Variants in GALNT13 observed in about 807,000 individuals in gnomAD.
The protein encoded by GALNT13 is UDP-GalNAc:polypeptide N-acetylgalactosaminyltransferase 13.
GALNT13 carries 28 observed loss-of-function variants against 64.2 expected under a neutral mutation model. The observed-to-expected ratio is 0.44, with a 90% CI of 0.32 to 0.60. GALNT13 has a LOEUF of 0.60. Among genes scored for constraint, GALNT13 ranks in the 20% least tolerant of loss-of-function variants. The pLI is 0.05. For missense variants in GALNT13, 577 were observed against 669.8 expected (o/e 0.86, Z 1.53); for synonymous variants, 214 against 224.6 (o/e 0.95, Z 0.42).
At chr2:153,479,650 AGTT>A in the GALNT13 span, among the ~76,000 whole-genome samples, 3 of 152,220 alleles carry the variant, frequency 2.0e-5, no homozygotes, top group African/African-American at 7.2e-5. Context: ...GCAGTAAATC[AGTT>A]GTTGAAGGGA....
the GALNT13 span, among the ~76,000 whole-genome samples, chr2:153,696,151 G>A: frequency 1.3e-5 from 2 of 152,182 alleles, no homozygotes; most frequent in African/African-American, 4.8e-5. Context: ...AGCCGACAGT[G>A]CAACCTTCAG....
chr2:153,454,795 T>C, the GALNT13 span, among the ~76,000 whole-genome samples: 2 of 152,226 alleles, frequency 1.3e-5, no homozygotes, highest in African/African-American at 4.8e-5. Context: ...TGTGTGTATG[T>C]GCAGGCACAC....
the GALNT13 span, among the ~76,000 whole-genome samples, chr2:153,289,757 G>A: frequency 6.6e-6 from 1 of 152,188 alleles, no homozygotes; most frequent in African/African-American, 2.4e-5. Context: ...GTGGGAAGGA[G>A]CTAAACTGCA....
chr2:154,129,270 A>C (rs1408402589), intron 3 of GALNT13, among the ~76,000 whole-genome samples: 1 of 152,160 alleles, frequency 6.6e-6, no homozygotes, highest in Non-Finnish European at 1.5e-5. Flanking sequence ...ATGAAAACTG[A>C]CAAAGTGATT....
chr2:153,597,417 A>C, the GALNT13 span, among the ~76,000 whole-genome samples: 5 of 152,112 alleles, frequency 3.3e-5, no homozygotes, highest in Non-Finnish European at 5.9e-5. Context: ...GGTACTGGAC[A>C]ACTGGATACC....
In GALNT13 at chr2:154,269,906, G is replaced by GTATATATATATA. The variant is rs67387315; in HGVS notation, c.975+10776_975+10787dup. 6.1e-3 allele frequency among the ~76,000 whole-genome samples: 586 copies of GTATATATATATA among 96,796 alleles called. 43 individuals are homozygous for GTATATATATATA. In the East Asian group the frequency reaches 0.062, roughly 10 times the overall value. 63.5% of individuals were successfully genotyped at this position (96,796 alleles called of 152,430 possible). A position where few individuals can be genotyped will look rare whatever the true frequency, so the allele number is the denominator to read the frequency against. On this transcript the variant is annotated intron_variant, in intron 8 of 12. Transcript: ENST00000392825. ...GTCATATATATATTTATATATATGT[G>GTATATATATATA]TATATATATATATATATATTTCTAA...
the GALNT13 span, among the ~76,000 whole-genome samples, chr2:153,369,204 T>A: frequency 2.6e-5 from 4 of 152,086 alleles, no homozygotes; most frequent in Non-Finnish European, 4.4e-5. Flanking sequence ...ATTAAGAGCT[T>A]TTTTTAGGAA....
the GALNT13 span, among the ~76,000 whole-genome samples, chr2:153,561,669 G>GTGTGTGTGTGT: frequency 1.4e-5 from 2 of 138,702 alleles, no homozygotes; most frequent in African/African-American, 2.7e-5. Context: ...GTGTGTGTGT[G>GTGTGTGTGTGT]GTGTGTATTA....
At chr2:154,155,318 A>G (rs1479908712) in intron 4 of GALNT13, among the ~76,000 whole-genome samples, 1 of 152,048 alleles carries the variant, frequency 6.6e-6, no homozygotes, top group South Asian at 2.1e-4. Context: ...GTATTTTTTT[A>G]TTCGTCTCAT....
the GALNT13 span, among the ~76,000 whole-genome samples, chr2:153,085,694 G>A: frequency 6.6e-6 from 1 of 152,164 alleles, no homozygotes; most frequent in South Asian, 2.1e-4. Flanking sequence ...TTTGCTGCAG[G>A]GGTGGAGCCC....
chr2:153,644,058 G>A, the GALNT13 span, among the ~76,000 whole-genome samples: 1 of 151,856 alleles, frequency 6.6e-6, no homozygotes, highest in African/African-American at 2.4e-5. Context: ...GATCTTATCA[G>A]TATGGTAAAA....
chr2:153,769,534 A>G, the GALNT13 span, among the ~76,000 whole-genome samples: 1 of 151,982 alleles, frequency 6.6e-6, no homozygotes, highest in African/African-American at 2.4e-5. Flanking sequence ...TTGACTTTGG[A>G]TAGTTTGATT....
the GALNT13 span, among the ~76,000 whole-genome samples, chr2:153,441,216 A>G: frequency 6.6e-6 from 1 of 152,136 alleles, no homozygotes; most frequent in African/African-American, 2.4e-5. Context: ...TCCTCTCCTC[A>G]TTGCTTGTTT....
the GALNT13 span, among the ~76,000 whole-genome samples, chr2:153,094,524 T>C: frequency 6.6e-6 from 1 of 152,114 alleles, no homozygotes; most frequent in Non-Finnish European, 1.5e-5. Context: ...CTTCACAGAA[T>C]TGGAAAAAAC....
chr2:154,026,363 G>A (rs568757508), intron 3 of GALNT13, among the ~76,000 whole-genome samples: 1 of 152,190 alleles, frequency 6.6e-6, no homozygotes, highest in East Asian at 1.9e-4. Flanking sequence ...TAAGAGGAGG[G>A]GCAAGTTCAG....
chr2:153,409,790 C>G, the GALNT13 span, among the ~76,000 whole-genome samples: 1 of 151,890 alleles, frequency 6.6e-6, no homozygotes, highest in Non-Finnish European at 1.5e-5. Flanking sequence ...AACAAAAATG[C>G]TAAAGTATAA....
chr2:154,074,372 A>G (rs1038011634), intron 3 of GALNT13, among the ~76,000 whole-genome samples: 5 of 151,958 alleles, frequency 3.3e-5, no homozygotes, highest in Non-Finnish European at 7.4e-5. Context: ...ACTCATTTTC[A>G]AGTGTGAATT....
chr2:154,378,796 CCAT>C (rs1263405960), intron 9 of GALNT13, among the ~76,000 whole-genome samples: 1 of 151,774 alleles, frequency 6.6e-6, no homozygotes, highest in African/African-American at 2.4e-5. Flanking sequence ...AAATCGTACC[CCAT>C]AAGTATTTAC....
chr2:154,043,415 TATATATATATATATATATATATATA>T (rs1699102131), intron 3 of GALNT13, among the ~76,000 whole-genome samples: 1 of 83,642 alleles, frequency 1.2e-5, no homozygotes, highest in African/African-American at 5.2e-5. Context: ...TAAGGACTTT[TATATATATATATATATATATATATA>T]TATATATATA....
Sources: gnomAD v4.1 joint callset for allele counts (sites outside exome capture counted in the v4.1 genomes callset) on GRCh38, gnomAD v4.1.1 for gene constraint, MANE v1.5 for transcripts, NCBI Gene and HGNC (gene_info 2026-07-23, HGNC 2026-07-21) for gene names.